CNOT4: variants seen among roughly 807,000 people sequenced by gnomAD.
CNOT4 encodes CCR4-NOT transcription complex subunit 4.
CNOT4 carries 8 observed loss-of-function variants against 73.8 expected under a neutral mutation model. The observed-to-expected ratio is 0.11, with a 90% confidence interval of 0.06 to 0.20. The LOEUF is 0.20. Among genes scored for constraint, CNOT4 ranks in the 10% least tolerant of loss-of-function variants. CNOT4 has a pLI of 1.00. For missense variants in CNOT4, 564 were observed against 883.4 expected, an observed-to-expected ratio of 0.64 and a Z score of 4.58; for synonymous variants, 293 against 321.1, an observed-to-expected ratio of 0.91 and a Z score of 0.94.
intron 4 of CNOT4, among the ~76,000 whole-genome samples, chr7:135,414,697 C>T (rs1273582743): frequency 2.0e-5 from 3 of 151,798 alleles, no homozygotes; most frequent in Non-Finnish European, 4.4e-5. Context: ...TTTTTTTAGA[C>T]AGTCATTTGA....
At chr7:135,369,686 C>T (rs3812271) in intron 10 of CNOT4, among the ~76,000 whole-genome samples, 19,269 of 152,200 alleles carry the variant, frequency 0.13, 1,585 homozygotes, top group African/African-American at 0.23. Context: ...GACTTTCAAA[C>T]CTTTGTGCAT....
At chr7:135,447,841 C>T (rs150938814) in intron 1 of CNOT4, among the ~76,000 whole-genome samples, 22 of 152,328 alleles carry the variant, frequency 1.4e-4, no homozygotes, top group Admixed American at 1.2e-3. Context: ...ACAAATTGTA[C>T]ATGCAGTGAC....
chr7:135,404,376 A>G (rs1442811662), intron 7 of CNOT4, among the ~76,000 whole-genome samples: 2 of 152,140 alleles, frequency 1.3e-5, no homozygotes, highest in African/African-American at 4.8e-5. Flanking sequence ...TAATCTATCT[A>G]GAAGTATCAG....
At chr7:135,387,547 T>C in intron 10 of CNOT4, 1 of 967,954 alleles carries the variant, frequency 1.0e-6, no homozygotes, top group Non-Finnish European at 1.2e-6. Flanking sequence ...CATTATCCCC[T>C]TTCATACTTT....
intron 1 of CNOT4, among the ~76,000 whole-genome samples, chr7:135,494,427 G>A (rs535977952): frequency 2.2e-5 from 3 of 138,284 alleles, no homozygotes; most frequent in African/African-American, 8.3e-5. Flanking sequence ...CCGAGATCGC[G>A]CCATTGCACT....
At chr7:135,508,386 G>T (rs752618225) in intron 1 of CNOT4, among the ~76,000 whole-genome samples, 41 of 152,154 alleles carry the variant, frequency 2.7e-4, no homozygotes, top group Non-Finnish European at 5.1e-4. Context: ...TTTTACTGTA[G>T]ATAACAATGA....
chr7:135,372,659 C>T (rs755158402), intron 10 of CNOT4, among the ~76,000 whole-genome samples: 7 of 151,324 alleles, frequency 4.6e-5, no homozygotes, highest in Admixed American at 6.6e-5. Flanking sequence ...CAAGTTCAAG[C>T]GATTCTCCTA....
At chr7:135,480,900 A>G (rs1303777000) in intron 1 of CNOT4, among the ~76,000 whole-genome samples, 1 of 151,756 alleles carries the variant, frequency 6.6e-6, no homozygotes, top group Non-Finnish European at 1.5e-5. Context: ...AAAAAAAAAA[A>G]AAAAATGAAA....
At chr7:135,396,107 C>CTTT (rs71174519) in intron 8 of CNOT4, among the ~76,000 whole-genome samples, 2,865 of 95,324 alleles carry the variant, frequency 0.03, 291 homozygotes, top group Non-Finnish European at 0.041. Flanking sequence ...ACTAGTCTCC[C>CTTT]TTTTTTTTTT....
intron 1 of CNOT4, among the ~76,000 whole-genome samples, chr7:135,456,990 A>G (rs1204763067): frequency 6.6e-6 from 1 of 152,088 alleles, no homozygotes; most frequent in Non-Finnish European, 1.5e-5. Context: ...GAAAACTACT[A>G]TAACTACTAA....
intron 10 of CNOT4, among the ~76,000 whole-genome samples, chr7:135,375,619 G>GT (rs1795471647): frequency 6.6e-6 from 1 of 152,142 alleles, no homozygotes; most frequent in Non-Finnish European, 1.5e-5. Context: ...AAATGTGTTA[G>GT]TTTTTTTAAA....
chr7:135,381,078 G>T (rs1795820486), intron 10 of CNOT4, among the ~76,000 whole-genome samples: 1 of 152,112 alleles, frequency 6.6e-6, no homozygotes, highest in Non-Finnish European at 1.5e-5. Flanking sequence ...TTTAAATAGG[G>T]TCTTTGGTTC....
At chr7:135,422,379 GT>G in intron 2 of CNOT4, 26 bp from the exon 3 acceptor site, 2 of 1,060,076 alleles carry the variant, frequency 1.9e-6, no homozygotes, top group Non-Finnish European at 2.9e-6. Context: ...AAACATAGAC[GT>G]TAGCATTAAA....
Position 135,366,804 on chromosome 7 carries a change from TGGCACAAAGAAAAGGTGAGAGAAAG to T in CNOT4, c.1628-2763_1628-2739del, listed in dbSNP as rs557683553. ...TTTCCACTATTGCTATGCCAAGTGCTGGCACAAAGAAAAGGTGAGAGAAAGGAAATCAGCTTAATCCTAATCCCAT... is the reference window on the plus strand; with the variant it reads ...TTTCCACTATTGCTATGCCAAGTGCTGAAATCAGCTTAATCCTAATCCCAT... On this transcript the variant is annotated intron_variant, in intron 10 of 11. Transcript: ENST00000541284. Among the ~76,000 whole-genome samples the T allele has an allele frequency of 5.6e-4, 86 of 152,332 alleles. 1 individual carries two copies. Among genetic ancestry groups the T allele is most frequent in the African/African-American group, 2.0e-3 (85 of 41,580 alleles).
intron 2 of CNOT4, among the ~76,000 whole-genome samples, chr7:135,433,034 T>G (rs932749780): frequency 6.6e-6 from 1 of 152,212 alleles, no homozygotes; most frequent in Non-Finnish European, 1.5e-5. Context: ...TGAAAATGTG[T>G]TCTTTGGTTC....
intron 3 of CNOT4, among the ~76,000 whole-genome samples, chr7:135,419,958 C>T (rs867330848): frequency 6.6e-6 from 1 of 151,680 alleles, no homozygotes; most frequent in South Asian, 2.1e-4. Context: ...GTGGTGGAGA[C>T]AGGAGAATCA....
intron 1 of CNOT4, among the ~76,000 whole-genome samples, chr7:135,496,972 A>C (rs1803627023): frequency 6.6e-6 from 1 of 151,868 alleles, no homozygotes; most frequent in East Asian, 2.0e-4. Context: ...AAGCCTGGAT[A>C]ATTATTTTTT....
intron 1 of CNOT4, among the ~76,000 whole-genome samples, chr7:135,452,794 G>A (rs1800257363): frequency 6.6e-6 from 1 of 152,200 alleles, no homozygotes. Context: ...TTAGAGATTA[G>A]CATCAGTATG....
At chr7:135,393,805 T>C (rs1235809583) in intron 10 of CNOT4, 113 bp downstream of exon 10, 5 of 719,580 alleles carry the variant, frequency 6.9e-6, no homozygotes, top group South Asian at 1.9e-5. Context: ...TAATCTTTCA[T>C]AGACATTTCC....
Sources: gnomAD v4.1 joint callset for allele counts (sites outside exome capture counted in the v4.1 genomes callset) on GRCh38, gnomAD v4.1.1 for gene constraint, MANE v1.5 for transcripts, NCBI Gene and HGNC (gene_info 2026-07-23, HGNC 2026-07-21) for gene names.